The following EPB41L2 variants were observed in gnomAD, a reference collection of about 807,000 sequenced individuals.
The protein encoded by EPB41L2 is erythrocyte membrane protein band 4.1 like 2.
A neutral mutation model predicts 113.0 loss-of-function variants in EPB41L2; 43 were observed. That is an observed-to-expected ratio of 0.38 (90% CI 0.30 to 0.49). The LOEUF (loss-of-function observed/expected upper bound fraction) is 0.49. EPB41L2 is among the 20% of genes least tolerant of loss of function. EPB41L2 has a pLI of 0.95. For missense variants in EPB41L2, 1,147 were observed against 1,223.4 expected, an observed-to-expected ratio of 0.94 and a Z score of 0.93; for synonymous variants, 442 against 436.7, an observed-to-expected ratio of 1.01 and a Z score of -0.15.
chr6:130,916,931 C>T (rs369129414), intron 4 of EPB41L2, among the ~76,000 whole-genome samples: 184 of 152,298 alleles, frequency 1.2e-3, no homozygotes, highest in African/African-American at 4.2e-3. Context: ...TTTTTCAAGT[C>T]CTACTGGCTT....
At chr6:130,881,186 C>A (rs548654277) in intron 12 of EPB41L2, 2 of 152,232 alleles carry the variant, frequency 1.3e-5, no homozygotes, top group East Asian at 3.9e-4. Context: ...AATATTGACT[C>A]CCTTATCAAA....
intron 19 of EPB41L2, among the ~76,000 whole-genome samples, chr6:130,848,707 G>A (rs138956785): frequency 5.1e-4 from 78 of 152,190 alleles, no homozygotes; most frequent in African/African-American, 1.8e-3. Flanking sequence ...TGTAATCCTC[G>A]TAAGGACAGG....
intron 14 of EPB41L2, among the ~76,000 whole-genome samples, chr6:130,876,314 A>G (rs778277639): frequency 1.3e-5 from 2 of 152,228 alleles, no homozygotes; most frequent in African/African-American, 2.4e-5. Context: ...TCTAAGGCAC[A>G]TAAGTGGTTA....
intron 4 of EPB41L2, among the ~76,000 whole-genome samples, chr6:130,912,807 G>A (rs909915463): frequency 6.6e-6 from 1 of 152,018 alleles, no homozygotes; most frequent in Non-Finnish European, 1.5e-5. Flanking sequence ...CTGGGAGAGA[G>A]GTGAGAAAGG....
chr6:130,901,269 G>A, intron 6 of EPB41L2, 89 bp from the exon 7 acceptor site: 1 of 1,115,832 alleles, frequency 9.0e-7, no homozygotes, highest in Middle Eastern at 3.0e-4. Flanking sequence ...GTACCCCTTT[G>A]AAAACAAATA....
At chr6:131,011,099 C>T (rs1299133409) in intron 1 of EPB41L2, among the ~76,000 whole-genome samples, 1 of 152,216 alleles carries the variant, frequency 6.6e-6, no homozygotes, top group African/African-American at 2.4e-5. Context: ...AATTTAGCGA[C>T]TGGCTATTAT....
chr6:130,916,601 C>T (rs1341377270), intron 4 of EPB41L2, among the ~76,000 whole-genome samples: 2 of 152,168 alleles, frequency 1.3e-5, no homozygotes, highest in Non-Finnish European at 2.9e-5. Flanking sequence ...ACCACATGGG[C>T]CCACTAGGAC....
chr6:130,959,993 G>T (rs1325824555), intron 1 of EPB41L2, among the ~76,000 whole-genome samples: 1 of 152,210 alleles, frequency 6.6e-6, no homozygotes, highest in Non-Finnish European at 1.5e-5. Context: ...AGCATTAATA[G>T]TTGTTTATAT....
At chr6:131,023,611 G>C (rs1790029879) in intron 1 of EPB41L2, among the ~76,000 whole-genome samples, 1 of 151,972 alleles carries the variant, frequency 6.6e-6, no homozygotes, top group African/African-American at 2.4e-5. Flanking sequence ...CTTGAACTCA[G>C]GAGGCAGAGG....
At chr6:130,965,116 GGTCA>G (rs1774720964) in intron 1 of EPB41L2, among the ~76,000 whole-genome samples, 1 of 152,080 alleles carries the variant, frequency 6.6e-6, no homozygotes, top group Admixed American at 6.6e-5. Context: ...ATGTGAGTGG[GGTCA>G]GTATCTTATC....
At chr6:130,870,184 G>T (rs189822005) in intron 14 of EPB41L2, 58 bp from the exon 15 acceptor site, 3 of 1,556,152 alleles carry the variant, frequency 1.9e-6, no homozygotes, top group Non-Finnish European at 2.6e-6. Context: ...TAAAAACAAC[G>T]GAAACCCAAA....
chr6:130,872,332 T>A, intron 14 of EPB41L2: 1 of 1,261,146 alleles, frequency 7.9e-7, no homozygotes, highest in Non-Finnish European at 1.0e-6. Context: ...CTCTCTCATA[T>A]GTGGCTTTTA....
intron 1 of EPB41L2, among the ~76,000 whole-genome samples, chr6:131,014,932 G>C (rs1356054244): frequency 6.6e-6 from 1 of 152,158 alleles, no homozygotes; most frequent in Non-Finnish European, 1.5e-5. Context: ...ATTCAAAATA[G>C]AAATTCAAAG....
chr6:130,927,052 A>G (rs774586806), intron 3 of EPB41L2, among the ~76,000 whole-genome samples: 29 of 152,316 alleles, frequency 1.9e-4, no homozygotes, highest in Non-Finnish European at 3.4e-4. Context: ...AAGGTGGCTC[A>G]TATCTATAAA....
chr6:130,977,481 A>G (rs373729117), intron 1 of EPB41L2, among the ~76,000 whole-genome samples: 24 of 152,154 alleles, frequency 1.6e-4, no homozygotes, highest in African/African-American at 3.6e-4. Context: ...ACTGTTAAGG[A>G]GAGAAAAAAG....
chr6:130,942,300 A>C lies in EPB41L2; in HGVS notation c.705+12805T>G, dbSNP rs576158878. ...TTCTCAAATCCCTGTCCCCCATATC[A>C]TGCCTGGCAGCTGGGAAGGTGGAGG... On this transcript the variant is annotated intron_variant, in intron 3 of 19. Coordinates refer to ENST00000337057, the MANE Select transcript of EPB41L2 (RefSeq NM_001431.4). 3.3e-5 allele frequency among the ~76,000 whole-genome samples: 5 copies of C among 152,340 alleles called. No individual in the cohort carries two copies. In the South Asian group the frequency reaches 1.0e-3, roughly 32 times the overall value.
At chr6:131,024,168 T>G (rs868466033) in intron 1 of EPB41L2, among the ~76,000 whole-genome samples, 2 of 152,126 alleles carry the variant, frequency 1.3e-5, no homozygotes, top group South Asian at 4.1e-4. Flanking sequence ...ACACTTTTTT[T>G]TTTAACTAAA....
chr6:130,978,637 T>C (rs1778686421), intron 1 of EPB41L2: 1 of 152,260 alleles, frequency 6.6e-6, no homozygotes, highest in Admixed American at 6.5e-5. Flanking sequence ...TTGATTTTAA[T>C]ACTGTACTTT....
chr6:131,052,235 C>T (rs1796713225), intron 1 of EPB41L2, among the ~76,000 whole-genome samples: 1 of 152,180 alleles, frequency 6.6e-6, no homozygotes, highest in Non-Finnish European at 1.5e-5. Flanking sequence ...CTGCACCCAG[C>T]CACTGATGTT....
Sources: gnomAD v4.1 joint callset for allele counts (sites outside exome capture counted in the v4.1 genomes callset) on GRCh38, gnomAD v4.1.1 for gene constraint, MANE v1.5 for transcripts, NCBI Gene and HGNC (gene_info 2026-07-23, HGNC 2026-07-21) for gene names.